Variants in DACH2 observed in about 807,000 individuals in gnomAD.
DACH2 encodes dachshund homolog 2.
A neutral mutation model predicts 35.8 loss-of-function variants in DACH2; 17 were observed. That is an observed-to-expected ratio of 0.48 (90% CI 0.33 to 0.71). The LOEUF (loss-of-function observed/expected upper bound fraction) is 0.71, where lower values mean the gene tolerates loss of function less well. Ranked by LOEUF, DACH2 falls within the 30% of genes least tolerant of loss-of-function variation. The pLI is 0.02. For missense variants in DACH2, 469 were observed against 472.7 expected, an observed-to-expected ratio of 0.99 and a Z score of 0.07; for synonymous variants, 195 against 177.3, an observed-to-expected ratio of 1.10 and a Z score of -0.79.
chrX:86,278,768 A>G (rs1479131529), intron 1 of DACH2, among the ~76,000 whole-genome samples: 1 of 111,675 alleles, frequency 9.0e-6, no homozygotes, highest in Non-Finnish European at 1.9e-5. Flanking sequence ...ACCCCCATGG[A>G]GCCCAGCAAG....
intron 1 of DACH2, among the ~76,000 whole-genome samples, chrX:86,156,485 A>G (rs1205614193): frequency 1.8e-5 from 2 of 111,743 alleles, no homozygotes; most frequent in African/African-American, 6.5e-5. Flanking sequence ...TAAATCCAAT[A>G]TAAAACAATT....
chrX:86,540,033 G>A (rs1470920732), intron 3 of DACH2, among the ~76,000 whole-genome samples: 1 of 111,462 alleles, frequency 9.0e-6, no homozygotes, highest in African/African-American at 3.3e-5. Context: ...TGGTTACAAA[G>A]CAGCTTATTT....
At chrX:86,797,700 G>A (rs1480889201) in intron 7 of DACH2, among the ~76,000 whole-genome samples, 1 of 110,990 alleles carries the variant, frequency 9.0e-6, no homozygotes, top group Non-Finnish European at 1.9e-5. Context: ...TGAACTAAGG[G>A]CTGTTTTAAC....
intron 3 of DACH2, among the ~76,000 whole-genome samples, chrX:86,517,895 G>A (rs773116977): frequency 7.2e-5 from 8 of 111,632 alleles, no homozygotes; most frequent in Admixed American, 4.8e-4. Context: ...AAGCCCTTAA[G>A]TTTAATTAGA....
chrX:86,546,320 T>TTTCTTCTTCTTCTTCCTCTTCTTC (rs1569435553), intron 3 of DACH2, among the ~76,000 whole-genome samples: 1 of 78,997 alleles, frequency 1.3e-5, no homozygotes, highest in African/African-American at 4.4e-5. Context: ...CTCCTACCTC[T>TTTCTTCTTCTTCTTCCTCTTCTTC]TTCTTCTTCT....
chrX:86,227,317 C>G, intron 1 of DACH2, among the ~76,000 whole-genome samples: 1 of 111,688 alleles, frequency 9.0e-6, no homozygotes, highest in South Asian at 3.7e-4. Flanking sequence ...ACTTAGTTTT[C>G]TACTTGTATA....
intron 1 of DACH2, among the ~76,000 whole-genome samples, chrX:86,267,683 A>G (rs1470153917): frequency 8.9e-6 from 1 of 112,004 alleles, no homozygotes; most frequent in Non-Finnish European, 1.9e-5. Flanking sequence ...TAGCCATAAT[A>G]TTCTATGATT....
At chrX:86,761,040 T>A (rs1212910448) in intron 7 of DACH2, among the ~76,000 whole-genome samples, 1 of 111,711 alleles carries the variant, frequency 9.0e-6, no homozygotes, top group African/African-American at 3.3e-5. Context: ...TTTAATTTTT[T>A]ATTTTACTTT....
At chrX:86,697,502 A>G (rs1374401131) in intron 5 of DACH2, among the ~76,000 whole-genome samples, 1 of 111,555 alleles carries the variant, frequency 9.0e-6, no homozygotes, top group African/African-American at 3.3e-5. Context: ...AAAATCAAGT[A>G]ACACAATCTG....
At chrX:86,204,670 G>T (rs1378198261) in intron 1 of DACH2, among the ~76,000 whole-genome samples, 2 of 112,089 alleles carry the variant, frequency 1.8e-5, no homozygotes, top group Non-Finnish European at 3.8e-5. Context: ...TCTGAAAGAT[G>T]TTTGCACCTT....
chrX:86,574,142 C>A (rs890916181), intron 3 of DACH2, among the ~76,000 whole-genome samples: 3 of 110,781 alleles, frequency 2.7e-5, no homozygotes, highest in African/African-American at 9.8e-5. Flanking sequence ...TTGAAGTTAC[C>A]CCAAAGAGTA....
At chrX:86,758,306 G>A (rs1001399486) in intron 7 of DACH2, among the ~76,000 whole-genome samples, 3 of 111,404 alleles carry the variant, frequency 2.7e-5, no homozygotes, top group African/African-American at 9.8e-5. Flanking sequence ...GTTCCTTGAG[G>A]TGTATCAATT....
chrX:86,730,612 G>T (rs902629840), intron 6 of DACH2, among the ~76,000 whole-genome samples: 3 of 111,538 alleles, frequency 2.7e-5, no homozygotes, highest in African/African-American at 9.8e-5. Context: ...AATCACTATT[G>T]TGTATCAGGT....
intron 1 of DACH2, among the ~76,000 whole-genome samples, chrX:86,149,405 G>T (rs1394107504): frequency 8.9e-6 from 1 of 112,007 alleles, no homozygotes; most frequent in Non-Finnish European, 1.9e-5. Context: ...TTGGCTGTTC[G>T]TGGTTATTTG....
At chrX:86,573,879 T>G (rs2039403188) in intron 3 of DACH2, among the ~76,000 whole-genome samples, 1 of 111,673 alleles carries the variant, frequency 9.0e-6, no homozygotes, top group Non-Finnish European at 1.9e-5. Context: ...CCATACAATA[T>G]GTGCATGCTT....
chrX:86,237,007 TTTTC>T (rs1408766808), intron 1 of DACH2, among the ~76,000 whole-genome samples: 4 of 112,590 alleles, frequency 3.6e-5, no homozygotes, highest in Non-Finnish European at 7.5e-5. Context: ...TACAAAAATA[TTTTC>T]TTTCTTTATA....
At chrX:86,174,157 C>T (rs1184297154) in intron 1 of DACH2, among the ~76,000 whole-genome samples, 4 of 90,461 alleles carry the variant, frequency 4.4e-5, no homozygotes, top group Non-Finnish European at 6.3e-5. Context: ...GGGTCTTGCT[C>T]TGTCATCCAG....
In DACH2 at chrX:86,566,186, T is replaced by C. The variant is rs1335966431; in HGVS notation, c.640+51795T>C. Reference sequence around the variant, plus strand: ...AGATCATTAAAAATAATAGACTTTCTCAAACTACAATGAAGTCATTTAAAA... The same window carrying C: ...AGATCATTAAAAATAATAGACTTTCCCAAACTACAATGAAGTCATTTAAAA... On this transcript the variant is annotated intron_variant, in intron 3 of 11. Coordinates refer to ENST00000373125, the MANE Select transcript of DACH2 (RefSeq NM_053281.3). Among the ~76,000 whole-genome samples, 4 of 111,977 alleles carry C rather than the reference T, an allele frequency of 3.6e-5. No homozygotes were observed. In the Admixed American group the frequency reaches 3.8e-4, roughly 11 times the overall value.
intron 1 of DACH2, among the ~76,000 whole-genome samples, chrX:86,298,751 A>G (rs1174045462): frequency 8.9e-6 from 1 of 112,310 alleles, no homozygotes; most frequent in East Asian, 2.8e-4. Flanking sequence ...TTTACAAAAA[A>G]GGTTTCAGAG....
Sources: gnomAD v4.1 joint callset for allele counts (sites outside exome capture counted in the v4.1 genomes callset) on GRCh38, gnomAD v4.1.1 for gene constraint, MANE v1.5 for transcripts, NCBI Gene and HGNC (gene_info 2026-07-23, HGNC 2026-07-21) for gene names.